The following PALM variants were observed in gnomAD, a reference collection of about 807,000 sequenced individuals.
PALM encodes paralemmin-1.
In PALM, 18 loss-of-function variants were observed where a neutral mutation model predicts 30.7. That is an observed-to-expected ratio of 0.59 (90% CI 0.41 to 0.87). The LOEUF (loss-of-function observed/expected upper bound fraction) is 0.87. PALM is among the 40% of genes least tolerant of loss of function. The pLI is 0.00. For missense variants in PALM, 529 were observed against 555.4 expected (o/e 0.95, Z 0.48); for synonymous variants, 286 against 242.8 (o/e 1.18, Z -1.66).
Position 726,993 on chromosome 19 carries a change from C to A in PALM, c.58-15C>A. 4.6e-6 allele frequency: 6 copies of A among 1,311,600 alleles called. No homozygotes were observed. The highest frequency in any genetic ancestry group is 5.3e-6 in the Non-Finnish European group (5 of 941,734). The allele number at this position is 1,311,600 out of a possible 1,614,324, so 81.2% of individuals were successfully genotyped here. On this transcript the variant is annotated splice_polypyrimidine_tract_variant and intron_variant, in intron 2 of 8. Coordinates refer to ENST00000338448, the MANE Select transcript of PALM (RefSeq NM_002579.3). Reference sequence around the variant, plus strand: ...CCCCACGCCCATCCCTGACCCCACCCGGCCCTCCCCACAGGAGAAGCGGAA... The same window carrying A: ...CCCCACGCCCATCCCTGACCCCACCAGGCCCTCCCCACAGGAGAAGCGGAA...
chr19:740,912 C>A, intron 8 of PALM, among the ~76,000 whole-genome samples: 1 of 150,380 alleles, frequency 6.6e-6, no homozygotes, highest in East Asian at 2.0e-4. Flanking sequence ...AGGAGGATCG[C>A]TTGAGCCCAG....
intron 4 of PALM, among the ~76,000 whole-genome samples, chr19:728,987 G>A (rs1430039500): frequency 6.6e-6 from 1 of 151,964 alleles, no homozygotes; most frequent in Non-Finnish European, 1.5e-5. Context: ...CTGGGCAACA[G>A]AGTGAGACTG....
At chr19:715,288 A>G (rs114104842) in intron 1 of PALM, among the ~76,000 whole-genome samples, 190 of 152,156 alleles carry the variant, frequency 1.2e-3, no homozygotes, top group African/African-American at 4.5e-3. Flanking sequence ...AAAAAGCATT[A>G]TATCACCTTT....
In PALM at chr19:747,160, C is replaced by T. The variant is rs984983801; in HGVS notation, c.*346C>T. 3.3e-4 allele frequency: 81 copies of T among 246,808 alleles called. No homozygotes were observed. Among genetic ancestry groups the T allele is most frequent in the Middle Eastern group, 3.0e-3 (2 of 674 alleles). 15.3% of individuals were successfully genotyped at this position (246,808 alleles called of 1,614,324 possible). On this transcript the variant is annotated 3_prime_UTR_variant, in exon 9 of 9. Transcript: ENST00000338448. ...GCGGGTGGGACCCGCAGCCTCCACGCGGCCCAGGCCAGCCTGCCACCCTCT... is the reference window on the plus strand; with the variant it reads ...GCGGGTGGGACCCGCAGCCTCCACGTGGCCCAGGCCAGCCTGCCACCCTCT...
At chr19:721,637 G>A (rs976507227) in intron 1 of PALM, among the ~76,000 whole-genome samples, 38 of 150,710 alleles carry the variant, frequency 2.5e-4, no homozygotes, top group African/African-American at 9.3e-4. Flanking sequence ...CTCTCTTGTT[G>A]CCCAGGCTGG....
rs1213473958 is a variant in PALM, at chr19:748,260, T to C, written c.*1446T>C. The C allele has an allele frequency of 1.3e-5, 2 of 152,742 alleles. No individual in the cohort carries two copies. Among genetic ancestry groups the C allele is most frequent in the Non-Finnish European group, 2.9e-5 (2 of 68,150 alleles). 9.5% of individuals were successfully genotyped at this position (152,742 alleles called of 1,614,324 possible). On this transcript the variant is annotated 3_prime_UTR_variant, in exon 9 of 9. Transcript: ENST00000338448. The stretch of plus-strand genomic sequence containing the variant: ...CCCTTGCTATAACCCCCTCTGCTTC[T>C]GGTGTGTGACGAGGCCCCCGATGTT...
At chr19:725,205 C>T (rs1050452958) in intron 1 of PALM, among the ~76,000 whole-genome samples, 1 of 151,774 alleles carries the variant, frequency 6.6e-6, no homozygotes, top group African/African-American at 2.4e-5. Context: ...TGTTAAGCGC[C>T]TACCACATAC....
intron 1 of PALM, among the ~76,000 whole-genome samples, chr19:716,689 C>A (rs2032271813): frequency 1.3e-5 from 2 of 152,302 alleles, no homozygotes; most frequent in African/African-American, 4.8e-5. Flanking sequence ...AGTCTCAGGG[C>A]AGGGCCAGCA....
chr19:733,655 C>T (rs910996129), intron 5 of PALM, among the ~76,000 whole-genome samples: 8 of 152,086 alleles, frequency 5.3e-5, no homozygotes, highest in Admixed American at 1.3e-4. Flanking sequence ...GGGTGGCCTG[C>T]GGGAGCCGCT....
intron 1 of PALM, among the ~76,000 whole-genome samples, chr19:715,510 G>T (rs1453032571): frequency 6.6e-6 from 1 of 152,190 alleles, no homozygotes; most frequent in Non-Finnish European, 1.5e-5. Context: ...ATGTTTCAGG[G>T]TTCATCCAGG....
intron 1 of PALM, among the ~76,000 whole-genome samples, chr19:722,171 G>C (rs966890350): frequency 7.9e-5 from 12 of 152,062 alleles, no homozygotes; most frequent in Non-Finnish European, 1.6e-4. Context: ...GCCCGCCTCG[G>C]CCTCCCAAAG....
chr19:727,531 C>T (rs2032725472), intron 3 of PALM, 33 bp from the exon 4 acceptor site: 6 of 1,551,526 alleles, frequency 3.9e-6, no homozygotes, highest in Non-Finnish European at 5.3e-6. Context: ...CCTGGTCCTG[C>T]CCACGACTCT....
chr19:727,605 G>A lies in PALM; in HGVS notation c.180G>A (p.Pro60=), dbSNP rs150664829. The A allele has an allele frequency of 2.5e-4, 398 of 1,583,180 alleles. 1 individual carries two copies. In the East Asian group the frequency reaches 3.9e-3, roughly 15 times the overall value. Residue 60 remains proline, a synonymous_variant, in exon 4 of 9, where the codon CCG becomes CCA. Coordinates refer to ENST00000338448, the MANE Select transcript of PALM (RefSeq NM_002579.3). The part of the protein sequence containing the change: ...LRERWLLEGT[P]SSASEGDEDL... ...AGCGCTGGCTGCTGGAGGGGACGCC[G>A]TCCTCGGCCTCAGAGGGGGATGAGG...
intron 6 of PALM, chr19:735,013 G>A (rs1599159704): frequency 2.1e-6 from 2 of 956,088 alleles, no homozygotes; most frequent in Non-Finnish European, 2.5e-6. Context: ...AATCCAGACA[G>A]GCCTCTCAGG....
At chr19:734,746 G>A (rs2032972854) in intron 6 of PALM, 1 of 159,444 alleles carries the variant, frequency 6.3e-6, no homozygotes, top group Non-Finnish European at 1.4e-5. Context: ...GGGAGGCTGA[G>A]GTGGGAGGAT....
rs556135326 is a variant in PALM, at chr19:709,617, C to G, written c.5+466C>G. On this transcript the variant is annotated intron_variant, in intron 1 of 8. Coordinates refer to ENST00000338448, the MANE Select transcript of PALM (RefSeq NM_002579.3). This position sits in a 1 kb window ranked among gnomAD's most constrained non-coding sequence, Gnocchi z 4.3. ...CGGCTCCTGGCGCCCTGGACGCGCGCGCGGGCCGGTGCCCCCCACCCCCGC... is the reference window on the plus strand; with the variant it reads ...CGGCTCCTGGCGCCCTGGACGCGCGGGCGGGCCGGTGCCCCCCACCCCCGC... Among the ~76,000 whole-genome samples, 233 of 152,098 alleles carry G rather than the reference C, an allele frequency of 1.5e-3. 1 individual carries two copies. Among genetic ancestry groups the G allele is most frequent in the African/African-American group, 5.2e-3 (216 of 41,524 alleles).
intron 7 of PALM, among the ~76,000 whole-genome samples, chr19:739,942 G>A (rs1029661619): frequency 1.4e-4 from 21 of 152,304 alleles, no homozygotes; most frequent in South Asian, 2.1e-4. Flanking sequence ...CAGCCGGGGC[G>A]ACAGAGCAAG....
rs4919891 is a variant in PALM, at chr19:742,559, C to G, written c.634+2076C>G. The stretch of plus-strand genomic sequence containing the variant: ...GGCGGAGGTTGCAGTGAGCCGAGAT[C>G]GCGCCACTGCTCTCCAGCCTGTGCG... On this transcript the variant is annotated intron_variant, in intron 8 of 8. Coordinates refer to ENST00000338448, the MANE Select transcript of PALM (RefSeq NM_002579.3). This position sits in a 1 kb window ranked among gnomAD's most constrained non-coding sequence, Gnocchi z 5.5. Among the ~76,000 whole-genome samples the G allele has an allele frequency of 6.6e-5, 10 of 151,506 alleles. No homozygotes were observed. The highest frequency in any genetic ancestry group is 8.8e-5 in the Non-Finnish European group (6 of 67,900).
intron 7 of PALM, among the ~76,000 whole-genome samples, chr19:739,636 G>GTGCC (rs2033127556): frequency 6.6e-6 from 1 of 152,000 alleles, no homozygotes; most frequent in East Asian, 1.9e-4. Context: ...AGCTGTGATC[G>GTGCC]TGCCGCTCCA....
Sources: allele counts gnomAD v4.1 joint callset (sites outside exome capture counted in the v4.1 genomes callset), GRCh38; gene constraint gnomAD v4.1.1; non-coding constraint Gnocchi (gnomAD v3.1); transcripts MANE v1.5; gene names NCBI Gene and HGNC (gene_info 2026-07-23, HGNC 2026-07-21).